NEBL: variants seen among roughly 807,000 people sequenced by gnomAD.
NEBL encodes nebulette, also known as LIM and SH3 protein 2.
A neutral mutation model predicts 140.2 loss-of-function variants in NEBL; 122 were observed. That is an observed-to-expected ratio of 0.87 (90% confidence interval 0.75 to 1.01). The LOEUF (loss-of-function observed/expected upper bound fraction) is 1.01. Among genes scored for constraint, NEBL ranks in the 50% least tolerant of loss-of-function variants. The pLI is 0.00. For missense variants in NEBL, 1,365 were observed against 1,231.3 expected (o/e 1.11, Z -1.62); for synonymous variants, 436 against 398.9 (o/e 1.09, Z -1.11).
At chr10:21,105,132 T>C (rs908488042) in intron 2 of NEBL, among the ~76,000 whole-genome samples, 1 of 152,200 alleles carries the variant, frequency 6.6e-6, no homozygotes, top group Non-Finnish European at 1.5e-5. Context: ...TAAAAGTCTG[T>C]TAATAACTTT....
chr10:21,095,229 C>T (rs2131975388), intron 2 of NEBL, among the ~76,000 whole-genome samples: 1 of 152,262 alleles, frequency 6.6e-6, no homozygotes, highest in South Asian at 2.1e-4. Flanking sequence ...CTGACCCTCA[C>T]AAAAGTTCCA....
chr10:20,790,761 T>C (rs894618006), intron 26 of NEBL, among the ~76,000 whole-genome samples: 1 of 152,144 alleles, frequency 6.6e-6, no homozygotes, highest in Non-Finnish European at 1.5e-5. Context: ...GAAACTTAGG[T>C]AAATAAAACA....
intron 16 of NEBL, among the ~76,000 whole-genome samples, chr10:20,830,535 A>G (rs1840300598): frequency 6.6e-6 from 1 of 152,184 alleles, no homozygotes; most frequent in Non-Finnish European, 1.5e-5. Context: ...AAATTTTACC[A>G]AGAAAACCTC....
chr10:20,805,231 C>T (rs918724943), intron 26 of NEBL, among the ~76,000 whole-genome samples: 1 of 152,158 alleles, frequency 6.6e-6, no homozygotes, highest in Non-Finnish European at 1.5e-5. Flanking sequence ...AAGGGGGAAG[C>T]AGAGAGGTGG....
chr10:21,292,917 T>C (rs1843164401), exon 1 of NEBL, among the ~76,000 whole-genome samples: 1 of 152,226 alleles, frequency 6.6e-6, no homozygotes, highest in East Asian at 1.9e-4. Context: ...CACAAAGTAC[T>C]CACACTTGGC....
At chr10:20,860,410 C>T (rs1008534191) in intron 7 of NEBL, among the ~76,000 whole-genome samples, 6 of 151,854 alleles carry the variant, frequency 4.0e-5, no homozygotes, top group African/African-American at 1.4e-4. Context: ...CTCCAATACT[C>T]TCTCTAAATT....
intron 2 of NEBL, among the ~76,000 whole-genome samples, chr10:21,116,256 A>C (rs1838280405): frequency 6.6e-6 from 1 of 152,130 alleles, no homozygotes; most frequent in Non-Finnish European, 1.5e-5. Flanking sequence ...TGTAGGTTGG[A>C]AGTCCAAACT....
intron 11 of NEBL, among the ~76,000 whole-genome samples, chr10:20,849,354 A>T (rs1842278219): frequency 6.6e-6 from 1 of 152,208 alleles, no homozygotes; most frequent in African/African-American, 2.4e-5. Context: ...ATTGAAAAAA[A>T]ATCAATCAAA....
chr10:21,097,376 T>C (rs895822310), intron 2 of NEBL, among the ~76,000 whole-genome samples: 1 of 152,038 alleles, frequency 6.6e-6, no homozygotes, highest in Non-Finnish European at 1.5e-5. Flanking sequence ...GGAGAATCAC[T>C]TGAACCCGGG....
intron 2 of NEBL, among the ~76,000 whole-genome samples, chr10:21,164,343 A>G (rs116798162): frequency 2.7e-4 from 41 of 152,286 alleles, no homozygotes; most frequent in Non-Finnish European, 4.4e-4. Context: ...ATGCATGGCT[A>G]TGTCTGTATC....
At chr10:20,894,639 G>A (rs1334196403) in intron 2 of NEBL, among the ~76,000 whole-genome samples, 4 of 151,898 alleles carry the variant, frequency 2.6e-5, no homozygotes, top group Non-Finnish European at 4.4e-5. Flanking sequence ...AATAGGCCGG[G>A]CATGGTGGCT....
At chr10:21,031,554 C>T (rs953981660) in intron 2 of NEBL, among the ~76,000 whole-genome samples, 2 of 152,160 alleles carry the variant, frequency 1.3e-5, no homozygotes, top group Non-Finnish European at 2.9e-5. Flanking sequence ...CTGTGTTCTC[C>T]CCAAAACAAA....
chr10:21,113,397 T>C, intron 2 of NEBL: 1 of 422,756 alleles, frequency 2.4e-6, no homozygotes, highest in Non-Finnish European at 4.5e-6. Context: ...AAGGTGGTTC[T>C]CTTCCCAAAG....
chr10:21,262,401 G>C (rs1032881377), intron 1 of NEBL, among the ~76,000 whole-genome samples: 24 of 152,212 alleles, frequency 1.6e-4, no homozygotes, highest in African/African-American at 4.3e-4. Flanking sequence ...CGGCTAGGGG[G>C]ACCCAAGCTG....
In NEBL at chr10:20,835,540, G is replaced by C; in HGVS notation, c.1422C>G (p.Ala474=). Residue 474 remains alanine, a synonymous_variant, in exon 14 of 28, where the codon GCC becomes GCG. Transcript: ENST00000377122. ...CACTCGCTATCTCTGCAGCCTTCTT[G>C]GCATGCTGCATTTCAAGGGTGTCAG... ...AGTDTLEMQH[A]KKAAEIASEK... 1 of 1,611,858 alleles carries C rather than the reference G, an allele frequency of 6.2e-7. No individual in the cohort carries two copies. The highest frequency in any genetic ancestry group is 1.1e-5 in the South Asian group (1 of 91,046).
chr10:20,943,467 C>T (rs1298751883), intron 4 of NEBL, among the ~76,000 whole-genome samples: 3 of 152,082 alleles, frequency 2.0e-5, no homozygotes, highest in African/African-American at 7.2e-5. Flanking sequence ...GGAGGGATAG[C>T]ATTAGGAATA....
chr10:21,069,716 T>C (rs965714423), intron 2 of NEBL, among the ~76,000 whole-genome samples: 1 of 152,226 alleles, frequency 6.6e-6, no homozygotes, highest in African/African-American at 2.4e-5. Context: ...AGGGTGAGGA[T>C]AGAAATCTCA....
chr10:21,021,643 T>C (rs1838796762), intron 2 of NEBL, among the ~76,000 whole-genome samples: 1 of 152,206 alleles, frequency 6.6e-6, no homozygotes, highest in South Asian at 2.1e-4. Context: ...CAGGAAGCTC[T>C]CCTGGCCTCC....
At chr10:21,086,732 G>A (rs906101918) in intron 2 of NEBL, among the ~76,000 whole-genome samples, 6 of 152,148 alleles carry the variant, frequency 3.9e-5, no homozygotes, top group African/African-American at 9.7e-5. Context: ...AGCCATGATC[G>A]TGCCACTGCA....
Sources: gnomAD v4.1 joint callset for allele counts (sites outside exome capture counted in the v4.1 genomes callset) on GRCh38, gnomAD v4.1.1 for gene constraint, MANE v1.5 for transcripts, NCBI Gene and HGNC (gene_info 2026-07-23, HGNC 2026-07-21) for gene names.